FAM184A: variants seen among roughly 807,000 people sequenced by gnomAD.
FAM184A encodes the protein family with sequence similarity 184 member A, also known as protein FAM184A.
Under a neutral mutation model 143.8 loss-of-function variants are expected in FAM184A, and 99 were observed. The observed-to-expected ratio is 0.69, with a 90% CI of 0.58 to 0.81. The LOEUF is 0.81. Ranked by LOEUF, FAM184A falls within the 40% of genes least tolerant of loss-of-function variation. The pLI is 0.00. For synonymous variants in FAM184A, 427 were observed against 446.4 expected (o/e 0.96, Z 0.55); for missense variants, 1,217 against 1,310.5 (o/e 0.93, Z 1.10).
intron 1 of FAM184A, among the ~76,000 whole-genome samples, chr6:119,030,382 A>C (rs1401887453): frequency 6.6e-6 from 1 of 152,048 alleles, no homozygotes. Flanking sequence ...TATAAAGGTA[A>C]CTATTTATTA....
At chr6:118,999,032 G>A (rs981772250) in intron 9 of FAM184A, among the ~76,000 whole-genome samples, 1 of 152,220 alleles carries the variant, frequency 6.6e-6, no homozygotes, top group Non-Finnish European at 1.5e-5. Context: ...CCTGGAATCA[G>A]ATGGTGGTAG....
At chr6:119,020,201 T>G (rs1259827434) in intron 3 of FAM184A, 42 bp from the exon 4 acceptor site, 2 of 1,449,460 alleles carry the variant, frequency 1.4e-6, no homozygotes, top group African/African-American at 2.9e-5. Context: ...AAAAATCAGT[T>G]GTACTATGAG....
intron 17 of FAM184A, among the ~76,000 whole-genome samples, chr6:118,961,212 G>T (rs1158491351): frequency 1.3e-5 from 2 of 151,500 alleles, no homozygotes; most frequent in Admixed American, 6.6e-5. Context: ...CAACTGCAAG[G>T]TAAAAAATTG....
At chr6:118,987,925 TAGA>T (rs1315558004) in intron 9 of FAM184A, among the ~76,000 whole-genome samples, 1 of 152,330 alleles carries the variant, frequency 6.6e-6, no homozygotes, top group Non-Finnish European at 1.5e-5. Flanking sequence ...GACTGAAAGT[TAGA>T]AGCTTTTATT....
rs151187021 is a variant in FAM184A, at chr6:119,134,123, G to A, written c.-202+14955C>T. Among the ~76,000 whole-genome samples the A allele has an allele frequency of 8.2e-4, 125 of 152,054 alleles. No individual in the cohort carries two copies. The East Asian group carries it at 0.019, about 23-fold the overall frequency. On this transcript the variant is annotated intron_variant, in intron 1 of 16. Coordinates refer to the FAM184A transcript ENST00000352896. ...AAAGATAAACTAAAAATTGGGAGAA[G>A]GTATTTGCCACTCAAACTATTGACA...
chr6:119,132,371 C>T lies in FAM184A; in HGVS notation c.-202+16707G>A, dbSNP rs73767257. On this transcript the variant is annotated intron_variant, in intron 1 of 16. Coordinates refer to the FAM184A transcript ENST00000352896. ...TGCAGTAAGCTGGTTGGCAGCAAAT[C>T]GTGGTAAATCCTACTAGCTGGCTTG... 2.7e-3 allele frequency among the ~76,000 whole-genome samples: 406 copies of T among 152,252 alleles called. 2 individuals carry two copies. The highest frequency in any genetic ancestry group is 9.5e-3 in the African/African-American group (394 of 41,544).
intron 1 of FAM184A, among the ~76,000 whole-genome samples, chr6:119,087,459 T>A (rs1486759006): frequency 1.3e-5 from 2 of 152,124 alleles, no homozygotes; most frequent in East Asian, 3.8e-4. Context: ...AAAGAAGATA[T>A]ACAGATGGCT....
intron 9 of FAM184A, among the ~76,000 whole-genome samples, chr6:119,000,209 C>G (rs551129033): frequency 5.3e-5 from 8 of 152,142 alleles, no homozygotes; most frequent in Non-Finnish European, 8.8e-5. Context: ...AAGAAAGGAA[C>G]AAGTGATGGC....
rs186460263 is a variant in FAM184A, at chr6:119,137,470, G to C, written c.-202+11608C>G. On this transcript the variant is annotated intron_variant, in intron 1 of 16. Coordinates refer to the FAM184A transcript ENST00000352896. ...CTATCTGCAAATACAGTCACAATTGGACCTCATTTAATCTTAATTACCTTC... is the reference window on the plus strand; with the variant it reads ...CTATCTGCAAATACAGTCACAATTGCACCTCATTTAATCTTAATTACCTTC... 2.6e-3 allele frequency among the ~76,000 whole-genome samples: 388 copies of C among 152,140 alleles called. 6 individuals are homozygous for C. The highest frequency in any genetic ancestry group is 9.1e-3 in the African/African-American group (378 of 41,508).
chr6:118,965,639 A>G (rs1404670234), intron 15 of FAM184A, among the ~76,000 whole-genome samples: 1 of 152,138 alleles, frequency 6.6e-6, no homozygotes, highest in Non-Finnish European at 1.5e-5. Context: ...TGTCATTCAA[A>G]TCACTAATCT....
chr6:118,974,559 A>G lies in FAM184A; in HGVS notation c.2784T>C (p.Asp928=). The part of the protein sequence containing the change: ...SNQQIRLHEQ[D]LNKRLEKELD... Reference sequence around the variant, plus strand: ...ACTCTTTTTCAAGTCTCTTGTTTAAATCTTGTTCATGCAACCTGTTTGATT... The same window carrying G: ...ACTCTTTTTCAAGTCTCTTGTTTAAGTCTTGTTCATGCAACCTGTTTGATT... The change falls in exon 14 of 18, where the codon GAT becomes GAC. Residue 928 remains aspartate, a synonymous_variant. Coordinates refer to ENST00000338891, the MANE Select transcript of FAM184A (RefSeq NM_024581.6). The G allele has an allele frequency of 2.5e-6, 4 of 1,602,486 alleles. No homozygotes were observed. The highest frequency in any genetic ancestry group is 3.4e-6 in the Non-Finnish European group (4 of 1,175,806).
intron 1 of FAM184A, among the ~76,000 whole-genome samples, chr6:119,060,043 G>T (rs1181312847): frequency 1.3e-5 from 2 of 152,080 alleles, no homozygotes; most frequent in Non-Finnish European, 2.9e-5. Flanking sequence ...TAACTACCTG[G>T]CAGAAAAAAA....
intron 1 of FAM184A, among the ~76,000 whole-genome samples, chr6:119,057,616 C>A (rs1457512477): frequency 2.0e-5 from 3 of 152,046 alleles, no homozygotes; most frequent in Non-Finnish European, 4.4e-5. Context: ...GTGGTGCACA[C>A]CTGTAGTTCC....
Position 119,011,425 on chromosome 6 carries a change from C to T in FAM184A, c.1537G>A (p.Glu513Lys), listed in dbSNP as rs760594623. 174 of 1,534,070 alleles carry T rather than the reference C, an allele frequency of 1.1e-4. No homozygotes were observed. Among genetic ancestry groups the T allele is most frequent in the Non-Finnish European group, 1.5e-4 (171 of 1,130,860 alleles). ...RDKKKLQMDLEEQHNKDKLNL... is the reference protein window; with the variant it reads ...RDKKKLQMDLKEQHNKDKLNL... ...AGTTTATCTTTGTTATGTTGTTCTT[C>T]CAAATCCTTAGAAAAAGAAATTTTT... Residue 513 changes from glutamate to lysine, a missense_variant, in exon 6 of 18, where the codon GAA becomes AAA. By Grantham distance (56) the Glu-to-Lys change is moderately conservative. Coordinates refer to ENST00000338891, the MANE Select transcript of FAM184A (RefSeq NM_024581.6).
At chr6:118,970,180 T>C (rs794604) in intron 14 of FAM184A, among the ~76,000 whole-genome samples, 66 of 149,988 alleles carry the variant, frequency 4.4e-4, no homozygotes, top group African/African-American at 1.5e-3. Flanking sequence ...ATTTTTGTAT[T>C]TTTAGTAGAG....
At chr6:118,992,387 C>G (rs1784406797) in intron 9 of FAM184A, among the ~76,000 whole-genome samples, 1 of 152,156 alleles carries the variant, frequency 6.6e-6, no homozygotes, top group South Asian at 2.1e-4. Flanking sequence ...GTGTTGAAAG[C>G]CTAACCTCCA....
chr6:118,975,611 C>G lies in FAM184A; in HGVS notation c.2583+306G>C, dbSNP rs545775427. On this transcript the variant is annotated intron_variant, in intron 12 of 17. Transcript: ENST00000338891. ...CCTATAATCTAAAGAGAAAGTGCATCTAAGGAGGCCCTCCTAAAACACACA... is the reference window on the plus strand; with the variant it reads ...CCTATAATCTAAAGAGAAAGTGCATGTAAGGAGGCCCTCCTAAAACACACA... 7.9e-5 allele frequency among the ~76,000 whole-genome samples: 12 copies of G among 152,326 alleles called. 1 individual carries two copies. Among genetic ancestry groups the G allele is most frequent in the African/African-American group, 2.9e-4 (12 of 41,570 alleles).
chr6:119,085,801 CAG>C (rs1274069553), intron 1 of FAM184A, among the ~76,000 whole-genome samples: 1 of 152,144 alleles, frequency 6.6e-6, no homozygotes, highest in Non-Finnish European at 1.5e-5. Context: ...AGGGAGGCCT[CAG>C]GAAACTTGCA....
intron 14 of FAM184A, among the ~76,000 whole-genome samples, chr6:118,969,971 T>A (rs1234052555): frequency 5.0e-5 from 4 of 79,834 alleles, no homozygotes; most frequent in Non-Finnish European, 9.9e-5. Context: ...GAAAAAAAAA[T>A]TGTTTGGGTG....
Sources: allele counts gnomAD v4.1 joint callset (sites outside exome capture counted in the v4.1 genomes callset), GRCh38; gene constraint gnomAD v4.1.1; transcripts MANE v1.5; gene names NCBI Gene and HGNC (gene_info 2026-07-23, HGNC 2026-07-21).